The following ZBTB21 variants were observed in gnomAD, a reference collection of about 807,000 sequenced individuals.
The protein encoded by ZBTB21 is zinc finger and BTB domain containing 21.
Under a neutral mutation model 39.8 loss-of-function variants are expected in ZBTB21, and 10 were observed. That is an observed-to-expected ratio of 0.25 (90% CI 0.16 to 0.43). The LOEUF (loss-of-function observed/expected upper bound fraction) is 0.43, where lower values mean the gene tolerates loss of function less well. Ranked by LOEUF, ZBTB21 falls within the 20% of genes least tolerant of loss-of-function variation. The pLI is 1.00. For synonymous variants in ZBTB21, 551 were observed against 498.8 expected, an observed-to-expected ratio of 1.10 and a Z score of -1.40; for missense variants, 1,221 against 1,296.3, an observed-to-expected ratio of 0.94 and a Z score of 0.89.
In ZBTB21 at chr21:41,991,985, G is replaced by A; in HGVS notation, c.2111C>T (p.Ala704Val). Reference sequence around the variant, plus strand: ...AAGAGGAGCATGCTCTTTTGGTTTAGCAACTTTATTTACTCCAAGGGGTTT... The same window carrying A: ...AAGAGGAGCATGCTCTTTTGGTTTAACAACTTTATTTACTCCAAGGGGTTT... Reference protein sequence around the residue: ...GEKPLGVNKVAKPKEHAPLAS... With the variant: ...GEKPLGVNKVVKPKEHAPLAS... The change falls in exon 3 of 3, where the codon GCT becomes GTT. Residue 704 changes from alanine (A) to valine (V), a missense_variant. Coordinates refer to ENST00000310826, the MANE Select transcript of ZBTB21 (RefSeq NM_001098402.2). This position sits in a 1 kb window ranked among gnomAD's most constrained non-coding sequence, Gnocchi z 4.9. The A allele has an allele frequency of 6.2e-7, 1 of 1,614,172 alleles. No individual in the cohort carries two copies. The highest frequency in any genetic ancestry group is 8.5e-7 in the Non-Finnish European group (1 of 1,180,036).
In ZBTB21 at chr21:41,991,593, C is replaced by T; in HGVS notation, c.2503G>A (p.Val835Ile). The change falls in exon 3 of 3, where the codon GTA (valine) becomes ATA (isoleucine). Residue 835 changes from valine to isoleucine, a missense_variant. Around this residue, in one of 4 missense-constraint regions of ZBTB21, gnomAD observed 523 missense variants for 542.5 expected, o/e 0.96. Coordinates refer to ENST00000310826, the MANE Select transcript of ZBTB21 (RefSeq NM_001098402.2). The surrounding 1 kb of genome is among the most constrained non-coding windows in gnomAD (Gnocchi z 4.9). ...RPQSQPEPNK[V>I]NHIVTTKDDN... ...TCTTTTGTGGTGACGATGTGGTTTA[C>T]TTTGTTGGGCTCAGGCTGGGATTGG... 6.2e-7 allele frequency: 1 copy of T among 1,614,180 alleles called. No individual in the cohort carries two copies.
chr21:41,991,061 G>C lies in ZBTB21; in HGVS notation c.3035C>G (p.Thr1012Ser). The C allele has an allele frequency of 6.3e-7, 1 of 1,594,294 alleles. No individual in the cohort carries two copies. Among genetic ancestry groups the C allele is most frequent in the East Asian group, 2.2e-5 (1 of 44,680 alleles). Residue 1012 changes from threonine to serine, a missense_variant, in exon 3 of 3, where the codon ACT becomes AGT. Physicochemically the swap from Thr to Ser is moderately conservative, Grantham distance 58 (BLOSUM62 1). Around this residue, in one of 4 missense-constraint regions of ZBTB21, gnomAD observed 523 missense variants for 542.5 expected, o/e 0.96. Transcript: ENST00000310826. This position sits in a 1 kb window ranked among gnomAD's most constrained non-coding sequence, Gnocchi z 4.9. ...DSPTGLSENPTPATEKLFVPQ... is the reference protein window; with the variant it reads ...DSPTGLSENPSPATEKLFVPQ... The stretch of plus-strand genomic sequence containing the variant: ...CACAAACAGTTTTTCTGTGGCTGGA[G>C]TTGGGTTTTCGGACAGGCCTGTGGG...
chr21:41,998,500 C>T lies in ZBTB21; in HGVS notation c.-13-4392G>A, dbSNP rs554377464. On this transcript the variant is annotated intron_variant, in intron 2 of 2. Coordinates refer to ENST00000310826, the MANE Select transcript of ZBTB21 (RefSeq NM_001098402.2). The stretch of plus-strand genomic sequence containing the variant: ...GCCACCACAGCTGGCTCATCCCTTT[C>T]ATTTTATAATGCCATATTTTCTTTC... Among the ~76,000 whole-genome samples the T allele has an allele frequency of 2.0e-5, 3 of 152,284 alleles. No homozygotes were observed. The East Asian group carries it at 5.8e-4, about 29-fold the overall frequency.
intron 2 of ZBTB21, 111 bp from the exon 3 acceptor site, chr21:41,994,219 C>A: frequency 1.2e-6 from 1 of 861,964 alleles, no homozygotes; most frequent in South Asian, 2.0e-5. Flanking sequence ...ATTTAGCAGA[C>A]CGTAGGCTAA....
In ZBTB21 at chr21:41,992,176, C is replaced by T. The variant is rs1358688764; in HGVS notation, c.1920G>A (p.Arg640=). 1.2e-6 allele frequency: 2 copies of T among 1,614,176 alleles called. No homozygotes were observed. The highest frequency in any genetic ancestry group is 8.5e-7 in the Non-Finnish European group (1 of 1,180,030). The change falls in exon 3 of 3, where the codon AGG becomes AGA. Residue 640 remains arginine (R), a synonymous_variant. Coordinates refer to ENST00000310826, the MANE Select transcript of ZBTB21 (RefSeq NM_001098402.2). This position sits in a 1 kb window ranked among gnomAD's most constrained non-coding sequence, Gnocchi z 4.1. ...EIKKALIIKL[R]RGKPGFQGQS... is the part of the protein sequence containing the mutation. The stretch of plus-strand genomic sequence containing the variant: ...GTCCCTGAAAACCAGGCTTGCCGCG[C>T]CTTAACTTAATGATCAGGGCCTTCT...
chr21:42,008,073 CGAT>C (rs2065901889), intron 1 of ZBTB21: 1 of 152,220 alleles, frequency 6.6e-6, no homozygotes, highest in Admixed American at 6.5e-5. Context: ...CACATATTCC[CGAT>C]TTACTTTGGT....
At position 41,991,666 on chromosome 21, in the gene ZBTB21, A is replaced by C. The variant is rs1257708484; in HGVS notation, c.2430T>G (p.Ser810=). 6.2e-7 allele frequency: 1 copy of C among 1,614,232 alleles called. No individual in the cohort carries two copies. The highest frequency in any genetic ancestry group is 1.1e-5 in the South Asian group (1 of 91,084). The change falls in exon 3 of 3, where the codon TCT becomes TCG. Residue 810 remains serine, a synonymous_variant. Coordinates refer to ENST00000310826, the MANE Select transcript of ZBTB21 (RefSeq NM_001098402.2). This position sits in a 1 kb window ranked among gnomAD's most constrained non-coding sequence, Gnocchi z 4.9. The part of the protein sequence containing the change: ...QNNMAPTENF[S]LPVLDHNGDV... ...CACCATTGTGGTCCAAAACGGGCAA[A>C]GAAAAGTTTTCGGTGGGTGCCATGT... is the stretch of plus-strand genomic sequence containing the variant.
chr21:42,000,271 C>G (rs896913761), intron 2 of ZBTB21, among the ~76,000 whole-genome samples: 1 of 152,180 alleles, frequency 6.6e-6, no homozygotes, highest in Non-Finnish European at 1.5e-5. Flanking sequence ...GAGCAGCAAC[C>G]TGTTCATCAA....
Position 41,993,419 on chromosome 21 carries a change from A to C in ZBTB21, c.677T>G (p.Leu226Trp). The C allele has an allele frequency of 6.2e-7, 1 of 1,614,230 alleles. No individual in the cohort carries two copies. The highest frequency in any genetic ancestry group is 1.7e-5 in the Admixed American group (1 of 60,036). Residue 226 changes from leucine to tryptophan, a missense_variant, in exon 3 of 3, where the codon TTG (leucine) becomes TGG (tryptophan). Coordinates refer to ENST00000310826, the MANE Select transcript of ZBTB21 (RefSeq NM_001098402.2). ...YAKSLEHSGS[L>W]DDPNRISLVK... ...CAAACTGATTCTATTAGGATCATCC[A>C]AAGATCCAGAATGCTCAAGAGACTT...
chr21:41,992,003 A>C lies in ZBTB21; in HGVS notation c.2093T>G (p.Leu698Arg). 1 of 1,614,202 alleles carries C rather than the reference A, an allele frequency of 6.2e-7. No individual in the cohort carries two copies. The highest frequency in any genetic ancestry group is 1.6e-4 in the Middle Eastern group (1 of 6,062). ...TGGTTTAGCAACTTTATTTACTCCA[A>C]GGGGTTTTTCTCCTGGATGCATTTT... ...HIKMHPGEKP[L>R]GVNKVAKPKE... The change falls in exon 3 of 3, where the codon CTT (leucine) becomes CGT (arginine). Residue 698 changes from leucine to arginine, a missense_variant. By Grantham distance (102) the Leu-to-Arg change is moderately radical. Around this residue, in one of 4 missense-constraint regions of ZBTB21, gnomAD observed 523 missense variants for 542.5 expected, o/e 0.96. Transcript: ENST00000310826. The surrounding 1 kb of genome is among the most constrained non-coding windows in gnomAD (Gnocchi z 4.1).
At position 41,995,786 on chromosome 21, in the gene ZBTB21, C is replaced by A. The variant is rs1349153310; in HGVS notation, c.-13-1678G>T. On this transcript the variant is annotated intron_variant, in intron 2 of 2. Coordinates refer to ENST00000310826, the MANE Select transcript of ZBTB21 (RefSeq NM_001098402.2). ...GAAAAAATGGTTTTGTGGGCCAGGC[C>A]CAGGGCCCCCTTTCTGTGTGCAGCC... 2.6e-5 allele frequency among the ~76,000 whole-genome samples: 4 copies of A among 152,218 alleles called. No individual in the cohort carries two copies. The South Asian group carries it at 8.3e-4, about 32-fold the overall frequency.
rs1398150781 is a variant in ZBTB21, at chr21:41,992,642, C to T, written c.1454G>A (p.Arg485Lys). 1 of 1,614,000 alleles carries T rather than the reference C, an allele frequency of 6.2e-7. No individual in the cohort carries two copies. Among genetic ancestry groups the T allele is most frequent in the Non-Finnish European group, 8.5e-7 (1 of 1,180,006 alleles). The change falls in exon 3 of 3, where the codon AGG becomes AAG. Residue 485 changes from arginine to lysine, a missense_variant. Physicochemically the swap from Arg to Lys is conservative, Grantham distance 26. Transcript: ENST00000310826. The surrounding 1 kb of genome is among the most constrained non-coding windows in gnomAD (Gnocchi z 4.1). ...KDMSRLPAKR[R>K]FQADRRLPFK... The stretch of plus-strand genomic sequence containing the variant: ...CGGCAATCTTCGGTCCGCTTGGAAC[C>T]TCCTTTTTGCTGGGAGTCTGCTCAT...
chr21:41,991,152 G>A lies in ZBTB21; in HGVS notation c.2944C>T (p.Pro982Ser). Residue 982 changes from proline (P) to serine (S), a missense_variant, in exon 3 of 3, where the codon CCC (proline) becomes TCC (serine). By Grantham distance (74) the Pro-to-Ser change is moderately conservative (BLOSUM62 -1). Around this residue, in one of 4 missense-constraint regions of ZBTB21, gnomAD observed 523 missense variants for 542.5 expected, o/e 0.96. Coordinates refer to ENST00000310826, the MANE Select transcript of ZBTB21 (RefSeq NM_001098402.2). The surrounding 1 kb of genome is among the most constrained non-coding windows in gnomAD (Gnocchi z 4.9). ...SEVCPVPTNS[P>S]SPPPLPPPPP... ...GGCGGTGGCAGAGGTGGTGGAGAGGGAGAGTTTGTGGGAACAGGGCACACC... is the reference window on the plus strand; with the variant it reads ...GGCGGTGGCAGAGGTGGTGGAGAGGAAGAGTTTGTGGGAACAGGGCACACC... 6.2e-7 allele frequency: 1 copy of A among 1,614,150 alleles called. No individual in the cohort carries two copies. Among genetic ancestry groups the A allele is most frequent in the Non-Finnish European group, 8.5e-7 (1 of 1,180,014 alleles).
intron 2 of ZBTB21, among the ~76,000 whole-genome samples, chr21:41,999,879 C>CG (rs1447361667): frequency 6.6e-6 from 1 of 152,190 alleles, no homozygotes; most frequent in East Asian, 1.9e-4. Flanking sequence ...TTATTTTTTA[C>CG]TATGGATGAA....
At chr21:42,006,664 G>T (rs1411159362) in intron 1 of ZBTB21, among the ~76,000 whole-genome samples, 1 of 152,100 alleles carries the variant, frequency 6.6e-6, no homozygotes, top group East Asian at 1.9e-4. Flanking sequence ...ATTATGGGTT[G>T]AATTGTGTCC....
Position 41,991,861 on chromosome 21 carries a change from C to T in ZBTB21, c.2235G>A (p.Arg745=), listed in dbSNP as rs1276076626. Residue 745 remains arginine (R), a synonymous_variant, in exon 3 of 3, where the codon CGG becomes CGA. Transcript: ENST00000310826. This position sits in a 1 kb window ranked among gnomAD's most constrained non-coding sequence, Gnocchi z 4.9. ...TGCAGTAAGGGCAGACGGCCGCGTT[C>T]CGGCACAGCCGCTCGTGGCTTCCTT... is the stretch of plus-strand genomic sequence containing the variant. The part of the protein sequence containing the change: ...LEQGSHERLC[R]NAAVCPYCSL... 6.2e-7 allele frequency: 1 copy of T among 1,614,160 alleles called. No homozygotes were observed. Among genetic ancestry groups the T allele is most frequent in the East Asian group, 2.2e-5 (1 of 44,884 alleles).
intron 1 of ZBTB21, among the ~76,000 whole-genome samples, chr21:42,004,927 G>A (rs901169828): frequency 4.6e-5 from 7 of 152,126 alleles, no homozygotes; most frequent in East Asian, 1.9e-4. Context: ...TCTGAGTTTC[G>A]GTCTTATCAT....
Position 41,989,615 on chromosome 21 carries a change from C to G in ZBTB21, c.*1280G>C, listed in dbSNP as rs2065624080. The stretch of plus-strand genomic sequence containing the variant: ...ATTATACATAGTATTCTTTGAAAAG[C>G]CCAAAACCCATGGAGCAAAATAAGT... On this transcript the variant is annotated 3_prime_UTR_variant, in exon 3 of 3. Transcript: ENST00000310826. 1 of 151,996 alleles carries G rather than the reference C, an allele frequency of 6.6e-6. No individual in the cohort carries two copies. The highest frequency in any genetic ancestry group is 2.1e-4 in the South Asian group (1 of 4,828). 9.4% of individuals were successfully genotyped at this position (151,996 alleles called of 1,614,324 possible). A position where few individuals can be genotyped will look rare whatever the true frequency, so the allele number is the denominator to read the frequency against.
At chr21:41,997,990 T>C (rs920529143) in intron 2 of ZBTB21, among the ~76,000 whole-genome samples, 4 of 152,130 alleles carry the variant, frequency 2.6e-5, no homozygotes, top group Non-Finnish European at 5.9e-5. Context: ...AGAGTTCATC[T>C]AAAGAAAACT....
Sources: gnomAD v4.1 joint callset for allele counts (sites outside exome capture counted in the v4.1 genomes callset) on GRCh38, gnomAD v4.1.1 for gene constraint, gnomAD v4.1.1 regional missense constraint, Gnocchi (gnomAD v3.1) non-coding constraint, MANE v1.5 for transcripts, NCBI Gene and HGNC (gene_info 2026-07-23, HGNC 2026-07-21) for gene names.